The following PCDHA5 variants were observed in gnomAD, a reference collection of about 807,000 sequenced individuals.
PCDHA5 encodes protocadherin alpha 5.
A neutral mutation model predicts 61.6 loss-of-function variants in PCDHA5; 43 were observed. The ratio of observed to expected loss-of-function variants is 0.70; its 90% CI spans 0.55 to 0.90. The LOEUF (loss-of-function observed/expected upper bound fraction) is 0.90. Ranked by LOEUF, PCDHA5 falls within the 40% of genes least tolerant of loss-of-function variation. The pLI is 0.00. For synonymous variants in PCDHA5, 627 were observed against 543.9 expected, an observed-to-expected ratio of 1.15 and a Z score of -2.13; for missense variants, 1,298 against 1,222.7, an observed-to-expected ratio of 1.06 and a Z score of -0.92.
intron 1 of PCDHA5, chr5:140,857,029 A>G: frequency 1.3e-6 from 2 of 1,596,504 alleles, no homozygotes; most frequent in Non-Finnish European, 1.7e-6. Context: ...AGGGAAACCC[A>G]CCTATGGTTG....
chr5:140,892,516 C>T (rs1308217040), intron 1 of PCDHA5, among the ~76,000 whole-genome samples: 1 of 152,222 alleles, frequency 6.6e-6, no homozygotes, highest in East Asian at 1.9e-4. Context: ...TCCACCATGA[C>T]TGGTAGACTC....
chr5:140,857,662 T>A (rs782577621), intron 1 of PCDHA5: 2 of 1,596,528 alleles, frequency 1.3e-6, no homozygotes, highest in Non-Finnish European at 1.7e-6. Flanking sequence ...GCGCGCGCGA[T>A]GGGGGCGTGC....
At chr5:140,932,810 A>G (rs925757508) in intron 1 of PCDHA5, among the ~76,000 whole-genome samples, 1 of 151,958 alleles carries the variant, frequency 6.6e-6, no homozygotes, top group Non-Finnish European at 1.5e-5. Flanking sequence ...CCTTGGAAAC[A>G]TATAAGTGGG....
chr5:140,911,907 C>T (rs926309943), intron 1 of PCDHA5, among the ~76,000 whole-genome samples: 2 of 152,110 alleles, frequency 1.3e-5, no homozygotes, highest in Admixed American at 6.6e-5. Flanking sequence ...AGTCAGAGCT[C>T]TCTAGAGGAC....
At chr5:140,858,825 A>G in intron 1 of PCDHA5, 1 of 333,686 alleles carries the variant, frequency 3.0e-6, no homozygotes, top group Non-Finnish European at 5.6e-6. Flanking sequence ...TTGTATTTGC[A>G]TTACCAAAAA....
intron 1 of PCDHA5, among the ~76,000 whole-genome samples, chr5:140,959,643 G>A (rs246006): frequency 0.56 from 85,684 of 152,026 alleles, 24,754 homozygotes; most frequent in African/African-American, 0.69. Flanking sequence ...AAAAAACACA[G>A]AAGCAAAATT....
chr5:140,941,191 T>TTTTTTTC lies in PCDHA5; in HGVS notation c.2353-37755_2353-37754insTTTCTTT, dbSNP rs1554213809. ...CATCTTGAACATCCTGCTTCTTTTT[T>TTTTTTTC]TTTCTTTCTTCCTTTCTTTCTTCCT... is the stretch of plus-strand genomic sequence containing the variant. On this transcript the variant is annotated intron_variant, in intron 1 of 3. Coordinates refer to ENST00000529859, the MANE Select transcript of PCDHA5 (RefSeq NM_018908.3). Among the ~76,000 whole-genome samples, 30 of 93,254 alleles carry TTTTTTTC rather than the reference T, an allele frequency of 3.2e-4. 1 individual carries two copies. Among genetic ancestry groups the TTTTTTTC allele is most frequent in the Admixed American group, 1.8e-3 (15 of 8,146 alleles). The allele number at this position is 93,254 out of a possible 152,430, so 61.2% of individuals were successfully genotyped here.
At chr5:140,993,509 C>T (rs930990761) in intron 3 of PCDHA5, among the ~76,000 whole-genome samples, 23 of 143,490 alleles carry the variant, frequency 1.6e-4, no homozygotes, top group Admixed American at 3.5e-4. Context: ...CACACACACA[C>T]GGGGAGAGAG....
chr5:141,001,395 A>G (rs1331071816), intron 3 of PCDHA5, among the ~76,000 whole-genome samples: 1 of 152,202 alleles, frequency 6.6e-6, no homozygotes. Flanking sequence ...TCCTACAGAG[A>G]ACAGGGAGTA....
chr5:140,848,370 C>G, intron 1 of PCDHA5: 1 of 1,125,286 alleles, frequency 8.9e-7, no homozygotes, highest in Non-Finnish European at 1.3e-6. Flanking sequence ...GAAAGAGGCT[C>G]AATTCTTTTT....
At chr5:140,842,693 C>A in intron 1 of PCDHA5, 1 of 1,595,288 alleles carries the variant, frequency 6.3e-7, no homozygotes. Context: ...GTTCGCGCAG[C>A]CCGAGTACAC....
At chr5:140,883,397 C>T in intron 1 of PCDHA5, 2 of 1,614,170 alleles carry the variant, frequency 1.2e-6, no homozygotes, top group Non-Finnish European at 1.7e-6. Flanking sequence ...TGTGTCCGAT[C>T]GTGACTCTGG....
chr5:140,892,536 A>G (rs916916323), intron 1 of PCDHA5, among the ~76,000 whole-genome samples: 1 of 152,208 alleles, frequency 6.6e-6, no homozygotes, highest in African/African-American at 2.4e-5. Flanking sequence ...CAGGATTCTG[A>G]CTTTTGTTTC....
chr5:140,960,788 G>A (rs1268913888), intron 1 of PCDHA5, among the ~76,000 whole-genome samples: 1 of 152,086 alleles, frequency 6.6e-6, no homozygotes, highest in Non-Finnish European at 1.5e-5. Context: ...GCCAAACAAG[G>A]TTTCTATTAA....
intron 1 of PCDHA5, among the ~76,000 whole-genome samples, chr5:140,901,807 C>T (rs1227752610): frequency 6.6e-6 from 1 of 152,116 alleles, no homozygotes; most frequent in Non-Finnish European, 1.5e-5. Context: ...AACATTTTTA[C>T]AATATTGATT....
chr5:140,942,255 A>G (rs2093254394), intron 1 of PCDHA5, among the ~76,000 whole-genome samples: 1 of 152,194 alleles, frequency 6.6e-6, no homozygotes, highest in Non-Finnish European at 1.5e-5. Context: ...TCATTAAAAG[A>G]TATCTAAAGC....
chr5:140,833,536 G>A (rs188132068), intron 1 of PCDHA5, among the ~76,000 whole-genome samples: 247 of 152,256 alleles, frequency 1.6e-3, no homozygotes, highest in African/African-American at 5.6e-3. Flanking sequence ...ACAAGTGTTC[G>A]AAAGGATAGA....
intron 1 of PCDHA5, chr5:140,852,548 T>C: frequency 3.3e-6 from 2 of 614,864 alleles, no homozygotes; most frequent in South Asian, 7.0e-5. Context: ...AGTGCTGGGA[T>C]TAAAGCTGTG....
chr5:140,857,161 C>G (rs782653443), intron 1 of PCDHA5: 1 of 1,598,332 alleles, frequency 6.3e-7, no homozygotes, highest in Non-Finnish European at 8.6e-7. Flanking sequence ...TTGCCCTAAT[C>G]AGCGTTTCTG....
Sources: gnomAD v4.1 joint callset for allele counts (sites outside exome capture counted in the v4.1 genomes callset) on GRCh38, gnomAD v4.1.1 for gene constraint, MANE v1.5 for transcripts, NCBI Gene and HGNC (gene_info 2026-07-23, HGNC 2026-07-21) for gene names.